CEP57: variants seen among roughly 807,000 people sequenced by gnomAD.
CEP57 encodes the protein centrosomal protein 57.
A neutral mutation model predicts 68.0 loss-of-function variants in CEP57; 40 were observed. The ratio of observed to expected loss-of-function variants is 0.59; its 90% CI spans 0.46 to 0.77. CEP57 has a LOEUF of 0.77. CEP57 is among the 30% of genes least tolerant of loss of function. CEP57 has a pLI of 0.00. For synonymous variants in CEP57, 219 were observed against 198.7 expected, an observed-to-expected ratio of 1.10 and a Z score of -0.86; for missense variants, 606 against 580.7, an observed-to-expected ratio of 1.04 and a Z score of -0.45.
Position 95,813,505 on chromosome 11 carries a change from C to T in CEP57, c.420C>T (p.Cys140=). 3.1e-6 allele frequency: 5 copies of T among 1,612,522 alleles called. No homozygotes were observed. The highest frequency in any genetic ancestry group is 4.2e-6 in the Non-Finnish European group (5 of 1,179,684). ...AGTTGTTAGCTGCAGAAAATAAATG[C>T]AATCTATTAGAAAAACAATTGGAAT... ...TSQLLAAENK[C]NLLEKQLEYM... Residue 140 remains cysteine (C), a synonymous_variant, in exon 4 of 11, where the codon TGC becomes TGT. Coordinates refer to ENST00000325542, the MANE Select transcript of CEP57 (RefSeq NM_014679.5).
At chr11:95,804,538 C>T (rs559342973) in intron 2 of CEP57, among the ~76,000 whole-genome samples, 61 of 152,118 alleles carry the variant, frequency 4.0e-4, no homozygotes, top group African/African-American at 1.3e-3. Flanking sequence ...AAAAGGTGGG[C>T]GTGATGAGAG....
chr11:95,800,880 A>G (rs1449426054), intron 2 of CEP57, among the ~76,000 whole-genome samples: 1 of 152,116 alleles, frequency 6.6e-6, no homozygotes. Context: ...CCTACCTCAT[A>G]CTTTGTGTGA....
Position 95,822,496 on chromosome 11 carries a change from C to T in CEP57, c.808-3C>T. ...AAATTGTTTTCCTTTTCTTTTCATT[C>T]AGAAAAGTTCTAGGAACTATTTTGG... On this transcript the variant is annotated splice_region_variant and splice_polypyrimidine_tract_variant and intron_variant, in intron 7 of 10. Coordinates refer to ENST00000325542, the MANE Select transcript of CEP57 (RefSeq NM_014679.5). The T allele has an allele frequency of 6.2e-7, 1 of 1,608,080 alleles. No homozygotes were observed. Among genetic ancestry groups the T allele is most frequent in the Non-Finnish European group, 8.5e-7 (1 of 1,174,790 alleles).
At chr11:95,817,959 G>A (rs1255104717) in intron 5 of CEP57, 56 bp downstream of exon 5, 3 of 1,024,618 alleles carry the variant, frequency 2.9e-6, no homozygotes, top group Non-Finnish European at 3.1e-6. Flanking sequence ...TTTTTTTAAT[G>A]TTAATTATTT....
chr11:95,799,936 C>T (rs889819058), intron 2 of CEP57, among the ~76,000 whole-genome samples: 1 of 152,240 alleles, frequency 6.6e-6, no homozygotes, highest in Non-Finnish European at 1.5e-5. Flanking sequence ...TCACCAGCTT[C>T]ATCCCTAACT....
chr11:95,794,569 AGTGTGT>A (rs111888918), intron 1 of CEP57, among the ~76,000 whole-genome samples: 11 of 150,064 alleles, frequency 7.3e-5, no homozygotes, highest in African/African-American at 2.7e-4. Flanking sequence ...AACCTTTACT[AGTGTGT>A]GTGTGTGTGT....
chr11:95,806,804 T>C (rs1861821925), intron 2 of CEP57, among the ~76,000 whole-genome samples: 1 of 152,206 alleles, frequency 6.6e-6, no homozygotes, highest in Non-Finnish European at 1.5e-5. Context: ...AGGCCATAGC[T>C]GAACAAAAGG....
chr11:95,820,161 A>G (rs767274815), intron 6 of CEP57, among the ~76,000 whole-genome samples: 7 of 152,118 alleles, frequency 4.6e-5, no homozygotes, highest in Non-Finnish European at 1.0e-4. Flanking sequence ...TGGTACTTCT[A>G]TTTTCTCCTT....
chr11:95,815,538 A>C (rs1009522806), intron 4 of CEP57, among the ~76,000 whole-genome samples: 16 of 152,130 alleles, frequency 1.1e-4, no homozygotes, highest in Non-Finnish European at 2.2e-4. Context: ...TAATAAAGAA[A>C]AGTTATATGG....
intron 2 of CEP57, among the ~76,000 whole-genome samples, chr11:95,805,925 A>G (rs1191972061): frequency 1.3e-5 from 2 of 152,210 alleles, no homozygotes; most frequent in African/African-American, 2.4e-5. Flanking sequence ...ATGACTTAAC[A>G]AATGTAAACA....
intron 8 of CEP57, chr11:95,826,514 G>A (rs1862749025): frequency 6.6e-6 from 1 of 152,032 alleles, no homozygotes; most frequent in Non-Finnish European, 1.5e-5. Flanking sequence ...CCTAGGTGAT[G>A]GGTTGATCTG....
chr11:95,827,216 A>T (rs189829815), intron 8 of CEP57: 1 of 153,378 alleles, frequency 6.5e-6, no homozygotes, highest in East Asian at 1.9e-4. Flanking sequence ...CGTGATAGAC[A>T]TGTAATTTAG....
chr11:95,804,328 A>G (rs940198362), intron 2 of CEP57, among the ~76,000 whole-genome samples: 1 of 152,242 alleles, frequency 6.6e-6, no homozygotes. Context: ...ACCCAAGTAC[A>G]GAAATAAAAT....
rs111538575 is a variant in CEP57 at position 95,794,213 on chromosome 11, T to C, written c.45+3470T>C. 5.2e-3 allele frequency: 2,373 copies of C among 454,000 alleles called. 42 individuals carry two copies. Among genetic ancestry groups the C allele is most frequent in the African/African-American group, 0.037 (1,859 of 49,906 alleles). 28.1% of individuals were successfully genotyped at this position (454,000 alleles called of 1,614,324 possible). Reference sequence around the variant, plus strand: ...TCTAGGGCAGTGATTTTTCTTTTTTTTTTCCAGACCAGAGGCTGGGCTCTG... The same window carrying C: ...TCTAGGGCAGTGATTTTTCTTTTTTCTTTCCAGACCAGAGGCTGGGCTCTG... On this transcript the variant is annotated intron_variant, in intron 1 of 10. Transcript: ENST00000325542.
intron 2 of CEP57, among the ~76,000 whole-genome samples, chr11:95,807,387 A>C (rs1016327009): frequency 6.6e-6 from 1 of 152,248 alleles, no homozygotes; most frequent in Non-Finnish European, 1.5e-5. Flanking sequence ...TGAGAGAAGA[A>C]GGCTTCAAAC....
intron 2 of CEP57, among the ~76,000 whole-genome samples, chr11:95,799,904 C>T (rs1049817023): frequency 6.6e-6 from 1 of 152,190 alleles, no homozygotes; most frequent in African/African-American, 2.4e-5. Flanking sequence ...CTTAATTTTT[C>T]ATAACCTAGA....
chr11:95,820,698 A>G (rs1259986582), intron 6 of CEP57, among the ~76,000 whole-genome samples: 1 of 152,210 alleles, frequency 6.6e-6, no homozygotes, highest in Non-Finnish European at 1.5e-5. Flanking sequence ...ACAGAAATAT[A>G]CAGCTGCTGG....
chr11:95,795,543 T>C, intron 1 of CEP57: 1 of 540,432 alleles, frequency 1.9e-6, no homozygotes, highest in Admixed American at 3.3e-5. Context: ...TGAAGTACAA[T>C]GTTGACCAGA....
intron 4 of CEP57, among the ~76,000 whole-genome samples, chr11:95,815,796 TAAATA>T (rs994460339): frequency 3.6e-4 from 55 of 152,284 alleles, no homozygotes; most frequent in African/African-American, 1.3e-3. Context: ...AAACAATAAA[TAAATA>T]AAATCACTGG....
Sources: allele counts gnomAD v4.1 joint callset (sites outside exome capture counted in the v4.1 genomes callset), GRCh38; gene constraint gnomAD v4.1.1; transcripts MANE v1.5; gene names NCBI Gene and HGNC (gene_info 2026-07-23, HGNC 2026-07-21).